CCSER1: variants seen among roughly 807,000 people sequenced by gnomAD.
CCSER1 encodes the protein coiled-coil serine rich protein 1.
In CCSER1, 41 loss-of-function variants were observed where a neutral mutation model predicts 82.0. The ratio of observed to expected loss-of-function variants is 0.50; its 90% confidence interval spans 0.39 to 0.65. The LOEUF is 0.65. Among genes scored for constraint, CCSER1 ranks in the 30% least tolerant of loss-of-function variants. The probability of loss-of-function intolerance (pLI) is 0.00; values close to 1 mark genes in which losing one functional copy is unlikely to be tolerated. For missense variants in CCSER1, 1,119 were observed against 1,064.2 expected (o/e 1.05, Z -0.72); for synonymous variants, 414 against 383.9 (o/e 1.08, Z -0.92).
intron 9 of CCSER1, among the ~76,000 whole-genome samples, chr4:90,954,171 T>C (rs1283934657): frequency 2.0e-5 from 3 of 152,028 alleles, no homozygotes. Context: ...ATTTTATTTG[T>C]TATCAGTTCC....
At chr4:91,139,077 T>C (rs1049216801) in intron 10 of CCSER1, among the ~76,000 whole-genome samples, 6 of 152,192 alleles carry the variant, frequency 3.9e-5, no homozygotes, top group South Asian at 2.1e-4. Flanking sequence ...TGTTGCCATC[T>C]TTATGTCCCT....
chr4:91,322,286 T>C (rs1432623973), intron 10 of CCSER1, among the ~76,000 whole-genome samples: 1 of 152,062 alleles, frequency 6.6e-6, no homozygotes, highest in African/African-American at 2.4e-5. Context: ...AGTGGCTCAA[T>C]TTAATTTTTT....
intron 10 of CCSER1, among the ~76,000 whole-genome samples, chr4:91,419,975 C>A (rs1399722466): frequency 1.3e-5 from 2 of 151,954 alleles, no homozygotes; most frequent in Non-Finnish European, 2.9e-5. Context: ...AATAACTAAT[C>A]TTGGGAAAAC....
At chr4:91,412,031 A>G (rs548933019) in intron 10 of CCSER1, among the ~76,000 whole-genome samples, 2 of 152,076 alleles carry the variant, frequency 1.3e-5, no homozygotes, top group African/African-American at 4.8e-5. Flanking sequence ...CACAGCAACA[A>G]TAATTTTGCA....
At chr4:90,312,093 C>T (rs921483225) in intron 2 of CCSER1, among the ~76,000 whole-genome samples, 3 of 152,132 alleles carry the variant, frequency 2.0e-5, no homozygotes, top group Non-Finnish European at 4.4e-5. Context: ...CCCAAGGTAA[C>T]ATATTGGTAA....
At chr4:90,974,110 G>A (rs1016232811) in intron 9 of CCSER1, among the ~76,000 whole-genome samples, 3 of 151,490 alleles carry the variant, frequency 2.0e-5, no homozygotes, top group Non-Finnish European at 3.0e-5. Context: ...CTTTAGTTAT[G>A]CAGGATAAAT....
intron 10 of CCSER1, among the ~76,000 whole-genome samples, chr4:91,288,036 A>G (rs13115685): frequency 0.43 from 62,700 of 147,350 alleles, 13,554 homozygotes; most frequent in South Asian, 0.54. Flanking sequence ...AGTAATTACT[A>G]TTCTAGGCTA....
intron 7 of CCSER1, among the ~76,000 whole-genome samples, chr4:90,758,203 C>A (rs1749861720): frequency 6.6e-6 from 1 of 152,160 alleles, no homozygotes; most frequent in Non-Finnish European, 1.5e-5. Flanking sequence ...TCCCAAAGTG[C>A]TGGGATTACA....
chr4:90,358,782 C>A (rs1011836384), intron 3 of CCSER1, among the ~76,000 whole-genome samples: 1 of 152,084 alleles, frequency 6.6e-6, no homozygotes, highest in Non-Finnish European at 1.5e-5. Context: ...TGCAAACAGG[C>A]ATCAGGGAAT....
intron 10 of CCSER1, among the ~76,000 whole-genome samples, chr4:91,223,781 T>C (rs780458057): frequency 6.6e-6 from 1 of 152,056 alleles, no homozygotes; most frequent in Non-Finnish European, 1.5e-5. Context: ...CTGACTGAGT[T>C]ATAGAGAAAA....
intron 4 of CCSER1, among the ~76,000 whole-genome samples, chr4:90,412,669 C>G (rs533313033): frequency 1.3e-5 from 2 of 152,210 alleles, no homozygotes; most frequent in East Asian, 3.9e-4. Context: ...ATGATCATCT[C>G]AATAGAATTA....
chr4:90,245,500 A>G (rs1222420642), intron 1 of CCSER1, among the ~76,000 whole-genome samples: 2 of 152,186 alleles, frequency 1.3e-5, no homozygotes, highest in Non-Finnish European at 2.9e-5. Flanking sequence ...GACTTATCGC[A>G]TGCTCTTATA....
At chr4:91,375,317 C>A (rs939382813) in intron 10 of CCSER1, among the ~76,000 whole-genome samples, 1 of 152,066 alleles carries the variant, frequency 6.6e-6, no homozygotes, top group Non-Finnish European at 1.5e-5. Context: ...TGTGATGGCA[C>A]GAAACATTGT....
chr4:90,893,961 T>G (rs1723334553), intron 8 of CCSER1, among the ~76,000 whole-genome samples: 1 of 152,038 alleles, frequency 6.6e-6, no homozygotes, highest in South Asian at 2.1e-4. Context: ...CTAGATAATA[T>G]TGTTGTAGAG....
intron 10 of CCSER1, among the ~76,000 whole-genome samples, chr4:91,215,211 TTAAGAG>T (rs1224424945): frequency 6.6e-6 from 1 of 152,178 alleles, no homozygotes; most frequent in Non-Finnish European, 1.5e-5. Context: ...ATTCAGACAC[TTAAGAG>T]TAAGACTACT....
intron 5 of CCSER1, among the ~76,000 whole-genome samples, chr4:90,489,804 G>C (rs1767686450): frequency 6.6e-6 from 1 of 152,046 alleles, no homozygotes. Context: ...AGTTTGCTGA[G>C]AATGATGGTT....
intron 1 of CCSER1, among the ~76,000 whole-genome samples, chr4:90,193,696 C>T (rs889868123): frequency 1.3e-5 from 2 of 151,702 alleles, no homozygotes; most frequent in African/African-American, 4.8e-5. Context: ...GCTAGCGGTC[C>T]TTAAAAAGCT....
In CCSER1 at chr4:91,404,331, T is replaced by C. The variant is rs1352990167; in HGVS notation, c.2218-194241T>C. Among the ~76,000 whole-genome samples the C allele has an allele frequency of 2.0e-5, 3 of 152,128 alleles. No individual in the cohort carries two copies. The East Asian group carries it at 5.8e-4, about 29-fold the overall frequency. ...TAGCAGTCTATCAATTTTGTTGATG[T>C]TTTCAAAAAAACAGATCCTGGATTC... On this transcript the variant is annotated intron_variant, in intron 10 of 10. Coordinates refer to ENST00000509176, the MANE Select transcript of CCSER1 (RefSeq NM_001145065.2).
At chr4:90,138,984 T>C (rs1724220492) in intron 1 of CCSER1, among the ~76,000 whole-genome samples, 1 of 152,248 alleles carries the variant, frequency 6.6e-6, no homozygotes, top group African/African-American at 2.4e-5. Flanking sequence ...AAACCCAGTA[T>C]GTTTCCTGTC....
Sources: gnomAD v4.1 joint callset for allele counts (sites outside exome capture counted in the v4.1 genomes callset) on GRCh38, gnomAD v4.1.1 for gene constraint, MANE v1.5 for transcripts, NCBI Gene and HGNC (gene_info 2026-07-23, HGNC 2026-07-21) for gene names.